The following BTBD10 variants were observed in gnomAD, a reference collection of about 807,000 sequenced individuals.
BTBD10 encodes BTB domain containing 10, also known as BTB/POZ domain-containing protein 10.
BTBD10 carries 21 observed loss-of-function variants against 53.2 expected under a neutral mutation model. The ratio of observed to expected loss-of-function variants is 0.39; its 90% CI spans 0.28 to 0.57. The LOEUF (loss-of-function observed/expected upper bound fraction) is 0.57, where lower values mean the gene tolerates loss of function less well. BTBD10 is among the 20% of genes least tolerant of loss of function. BTBD10 has a pLI of 0.53. For synonymous variants in BTBD10, 149 were observed against 192.7 expected (o/e 0.77, Z 1.88); for missense variants, 360 against 594.7 (o/e 0.61, Z 4.10).
chr11:13,419,973 A>T (rs1950210411), intron 3 of BTBD10, among the ~76,000 whole-genome samples: 1 of 152,168 alleles, frequency 6.6e-6, no homozygotes, highest in South Asian at 2.1e-4. Context: ...GTAGACTTTT[A>T]AAAAAGATGT....
At chr11:13,426,593 T>A (rs1950343585) in intron 2 of BTBD10, among the ~76,000 whole-genome samples, 1 of 152,090 alleles carries the variant, frequency 6.6e-6, no homozygotes, top group South Asian at 2.1e-4. Flanking sequence ...GAAATGCAAG[T>A]ATACTTTTGT....
chr11:13,436,214 A>T (rs1369465249), intron 2 of BTBD10, among the ~76,000 whole-genome samples: 1 of 152,204 alleles, frequency 6.6e-6, no homozygotes, highest in African/African-American at 2.4e-5. Context: ...TCTGACTCTT[A>T]GGCTGTTTTT....
chr11:13,432,636 G>A (rs926562567), intron 2 of BTBD10, among the ~76,000 whole-genome samples: 19 of 151,740 alleles, frequency 1.3e-4, no homozygotes, highest in African/African-American at 4.3e-4. Flanking sequence ...AATAAATTCA[G>A]TAACATAAAA....
At chr11:13,423,963 G>T (rs1174367435) in intron 2 of BTBD10, among the ~76,000 whole-genome samples, 1 of 151,988 alleles carries the variant, frequency 6.6e-6, no homozygotes, top group East Asian at 1.9e-4. Flanking sequence ...TGCATCAATA[G>T]AACATAATCT....
intron 6 of BTBD10, among the ~76,000 whole-genome samples, chr11:13,412,139 C>A (rs1321536851): frequency 2.6e-5 from 4 of 151,370 alleles, no homozygotes; most frequent in East Asian, 2.0e-4. Flanking sequence ...CCCCTAAAAT[C>A]ATTTTTTTAA....
chr11:13,461,665 A>C lies in BTBD10; in HGVS notation c.-58+1427T>G, dbSNP rs77530062. On this transcript the variant is annotated intron_variant, in intron 1 of 8. Coordinates refer to ENST00000278174, the MANE Select transcript of BTBD10 (RefSeq NM_032320.7). ...ATTCAGACTGGTGGAAGGGTAACAT[A>C]ATTACATAGGGTTAGAAGTCTATCT... Among the ~76,000 whole-genome samples the C allele has an allele frequency of 4.7e-3, 717 of 152,328 alleles. 5 individuals carry two copies. Among genetic ancestry groups the C allele is most frequent in the African/African-American group, 0.017 (699 of 41,566 alleles).
rs566228538 is a variant in BTBD10, at chr11:13,444,754, A to G, written c.101+270T>C. On this transcript the variant is annotated intron_variant, in intron 2 of 8. Coordinates refer to ENST00000278174, the MANE Select transcript of BTBD10 (RefSeq NM_032320.7). ...CTAACCTGTCATGTGAGAGTCCCCAATTAAGTAAATTATAGCATTTATTCA... is the reference window on the plus strand; with the variant it reads ...CTAACCTGTCATGTGAGAGTCCCCAGTTAAGTAAATTATAGCATTTATTCA... 7.2e-5 allele frequency among the ~76,000 whole-genome samples: 11 copies of G among 152,342 alleles called. No homozygotes were observed. In the South Asian group the frequency reaches 8.3e-4, roughly 11 times the overall value.
At chr11:13,441,391 G>T (rs886344910) in intron 2 of BTBD10, among the ~76,000 whole-genome samples, 1 of 151,826 alleles carries the variant, frequency 6.6e-6, no homozygotes, top group African/African-American at 2.4e-5. Context: ...ATATCACTAG[G>T]TACCCCATAA....
Position 13,388,626 on chromosome 11 carries a change from A to G in BTBD10, c.*205T>C, listed in dbSNP as rs1400581068. The G allele has an allele frequency of 3.9e-6, 2 of 506,470 alleles. No individual in the cohort carries two copies. Among genetic ancestry groups the G allele is most frequent in the Non-Finnish European group, 6.8e-6 (2 of 292,254 alleles). 31.4% of individuals were successfully genotyped at this position (506,470 alleles called of 1,614,324 possible). ...CTACTGGTAAACAAATACATTTACA[A>G]CTGGAACTTCAAAATGCTAGAGTTG... On this transcript the variant is annotated 3_prime_UTR_variant, in exon 9 of 9. Coordinates refer to ENST00000278174, the MANE Select transcript of BTBD10 (RefSeq NM_032320.7).
chr11:13,399,820 C>T (rs554035375), intron 8 of BTBD10, among the ~76,000 whole-genome samples: 1 of 152,108 alleles, frequency 6.6e-6, no homozygotes, highest in South Asian at 2.1e-4. Flanking sequence ...CACTCCAGAC[C>T]CTGTTTACCT....
chr11:13,434,045 C>T (rs902692834), intron 2 of BTBD10, among the ~76,000 whole-genome samples: 2 of 152,064 alleles, frequency 1.3e-5, no homozygotes, highest in South Asian at 4.1e-4. Flanking sequence ...AGTCTGTTGT[C>T]GGATATATTT....
chr11:13,430,970 T>TACAC (rs1387664736), intron 2 of BTBD10, among the ~76,000 whole-genome samples: 2 of 14,682 alleles, frequency 1.4e-4, no homozygotes, highest in South Asian at 0.01. Context: ...TTTATGGAGA[T>TACAC]ACATACACAC....
rs957438109 is a variant in BTBD10, at chr11:13,439,900, C to T, written c.101+5124G>A. ...AATACACACCTTCCTTTAGTATATGCCAAGGTAGACACACAAAAACAAGAA... is the reference window on the plus strand; with the variant it reads ...AATACACACCTTCCTTTAGTATATGTCAAGGTAGACACACAAAAACAAGAA... On this transcript the variant is annotated intron_variant, in intron 2 of 8. Transcript: ENST00000278174. 7 of 1,531,692 alleles carry T rather than the reference C, an allele frequency of 4.6e-6. No individual in the cohort carries two copies. In the East Asian group the frequency reaches 1.7e-4, roughly 38 times the overall value. The allele number at this position is 1,531,692 out of a possible 1,614,324, so 94.9% of individuals were successfully genotyped here.
chr11:13,452,320 C>G (rs935632477), intron 1 of BTBD10, among the ~76,000 whole-genome samples: 1 of 152,150 alleles, frequency 6.6e-6, no homozygotes, highest in Non-Finnish European at 1.5e-5. Context: ...AGTGATTACA[C>G]AGGGACAGCA....
intron 5 of BTBD10, among the ~76,000 whole-genome samples, chr11:13,413,904 T>G (rs762456310): frequency 6.6e-6 from 1 of 152,212 alleles, no homozygotes; most frequent in Non-Finnish European, 1.5e-5. Flanking sequence ...AAGGTAAGAT[T>G]TGAATATAGG....
intron 2 of BTBD10, chr11:13,440,264 CA>C (rs1565264329): frequency 8.2e-7 from 1 of 1,221,526 alleles, no homozygotes; most frequent in East Asian, 4.8e-5. Context: ...ACGTTTCTAA[CA>C]AAACAGCATC....
intron 8 of BTBD10, among the ~76,000 whole-genome samples, chr11:13,395,794 G>T (rs1949532853): frequency 6.6e-6 from 1 of 152,138 alleles, no homozygotes; most frequent in South Asian, 2.1e-4. Context: ...ATTAAATAGG[G>T]AATCCTTTCG....
intron 5 of BTBD10, among the ~76,000 whole-genome samples, chr11:13,415,400 G>A (rs568735679): frequency 3.9e-4 from 59 of 152,244 alleles, no homozygotes; most frequent in South Asian, 1.9e-3. Context: ...TGCCCCAGGC[G>A]CAGTGTTTCT....
intron 2 of BTBD10, among the ~76,000 whole-genome samples, chr11:13,442,150 A>T (rs558595815): frequency 2.6e-5 from 4 of 152,260 alleles, no homozygotes; most frequent in Non-Finnish European, 5.9e-5. Flanking sequence ...ATTTAAAAGA[A>T]TAATAAACCC....
Sources: gnomAD v4.1 joint callset for allele counts (sites outside exome capture counted in the v4.1 genomes callset) on GRCh38, gnomAD v4.1.1 for gene constraint, MANE v1.5 for transcripts, NCBI Gene and HGNC (gene_info 2026-07-23, HGNC 2026-07-21) for gene names.